The following TNFAIP8 variants were observed in gnomAD, a reference collection of about 807,000 sequenced individuals.
The protein encoded by TNFAIP8 is tumor necrosis factor alpha-induced protein 8.
Under a neutral mutation model 13.3 loss-of-function variants are expected in TNFAIP8, and 7 were observed. The observed-to-expected ratio is 0.52, with a 90% CI of 0.30 to 0.99. The LOEUF is 0.99. TNFAIP8 is among the 50% of genes least tolerant of loss of function. The pLI is 0.07. For synonymous variants in TNFAIP8, 94 were observed against 87.6 expected (o/e 1.07, Z -0.41); for missense variants, 258 against 236.9 (o/e 1.09, Z -0.58).
intron 1 of TNFAIP8, among the ~76,000 whole-genome samples, chr5:119,370,902 T>C (rs1008390650): frequency 2.0e-5 from 3 of 152,234 alleles, no homozygotes; most frequent in South Asian, 2.1e-4. Flanking sequence ...ATCTTTTCCT[T>C]TGGGAACCTG....
intron 1 of TNFAIP8, among the ~76,000 whole-genome samples, chr5:119,289,350 C>T (rs762690279): frequency 8.5e-5 from 13 of 152,134 alleles, no homozygotes; most frequent in Non-Finnish European, 1.9e-4. Context: ...GGCATTCGGT[C>T]TTACTAGTCA....
At chr5:119,305,400 C>T (rs1749519474) in intron 1 of TNFAIP8, among the ~76,000 whole-genome samples, 1 of 152,112 alleles carries the variant, frequency 6.6e-6, no homozygotes. Flanking sequence ...TATGTAGATG[C>T]ATTTTATTTG....
At chr5:119,339,753 C>T (rs1200554626) in intron 1 of TNFAIP8, among the ~76,000 whole-genome samples, 1 of 152,172 alleles carries the variant, frequency 6.6e-6, no homozygotes, top group Non-Finnish European at 1.5e-5. Context: ...ATGGTAATTA[C>T]ATGCTCCGAT....
intron 1 of TNFAIP8, among the ~76,000 whole-genome samples, chr5:119,372,867 AG>A (rs1752138356): frequency 6.6e-6 from 1 of 152,202 alleles, no homozygotes; most frequent in Admixed American, 6.5e-5. Flanking sequence ...AGGCTGAGGC[AG>A]GGGAATCGCT....
intron 1 of TNFAIP8, among the ~76,000 whole-genome samples, chr5:119,317,758 T>C: frequency 6.6e-6 from 1 of 152,060 alleles, no homozygotes; most frequent in Admixed American, 6.5e-5. Flanking sequence ...GCCACCATGC[T>C]GGCTAATTTT....
chr5:119,392,994 G>T lies in TNFAIP8; in HGVS notation c.210G>T (p.Lys70Asn). 1.2e-6 allele frequency: 2 copies of T among 1,612,856 alleles called. No homozygotes were observed. Among genetic ancestry groups the T allele is most frequent in the South Asian group, 1.1e-5 (1 of 90,872 alleles). ...EYTQNKKEAE[K>N]IIKNLIKTVI... ...CCCAAAACAAGAAGGAGGCAGAGAA[G>T]ATCATCAAGAACCTCATCAAGACAG... The change falls in exon 2 of 2, where the codon AAG becomes AAT. Residue 70 changes from lysine (K) to asparagine (N), a missense_variant. Physicochemically the swap from Lys to Asn is moderately conservative, Grantham distance 94. Coordinates refer to ENST00000504771, the MANE Select transcript of TNFAIP8 (RefSeq NM_014350.4).
In TNFAIP8 at chr5:119,393,477, C is replaced by A; in HGVS notation, c.*96C>A. The stretch of plus-strand genomic sequence containing the variant: ...AAAGAAGAATTTTCTAAAGATTACA[C>A]ATATTTCAGAAAGACTTTACCCAAT... On this transcript the variant is annotated 3_prime_UTR_variant, in exon 2 of 2. Transcript: ENST00000504771. 8.7e-7 allele frequency: 1 copy of A among 1,155,618 alleles called. No homozygotes were observed. The highest frequency in any genetic ancestry group is 1.2e-6 in the Non-Finnish European group (1 of 820,784). The allele number at this position is 1,155,618 out of a possible 1,614,324, so 71.6% of individuals were successfully genotyped here. A position where few individuals can be genotyped will look rare whatever the true frequency, so the allele number is the denominator to read the frequency against.
At chr5:119,336,938 CT>C (rs951411304) in intron 1 of TNFAIP8, among the ~76,000 whole-genome samples, 2 of 152,154 alleles carry the variant, frequency 1.3e-5, no homozygotes. Context: ...AAGCTCAAGC[CT>C]TTTTTTCCCC....
At chr5:119,348,753 G>A (rs1751002713) in intron 1 of TNFAIP8, among the ~76,000 whole-genome samples, 1 of 151,958 alleles carries the variant, frequency 6.6e-6, no homozygotes, top group Non-Finnish European at 1.5e-5. Context: ...GGTGGCACAT[G>A]CCTGTAATCT....
intron 1 of TNFAIP8, among the ~76,000 whole-genome samples, chr5:119,390,402 C>T (rs1472351705): frequency 6.6e-6 from 1 of 152,024 alleles, no homozygotes; most frequent in Non-Finnish European, 1.5e-5. Flanking sequence ...GATGCCATTT[C>T]TTTTGACATA....
At chr5:119,388,477 A>G (rs1194517203) in intron 1 of TNFAIP8, among the ~76,000 whole-genome samples, 2 of 152,236 alleles carry the variant, frequency 1.3e-5, no homozygotes, top group Admixed American at 6.5e-5. Flanking sequence ...TAGGCCTGCA[A>G]GTTGACACAG....
At chr5:119,329,619 T>C (rs1750316436) in intron 1 of TNFAIP8, among the ~76,000 whole-genome samples, 1 of 152,210 alleles carries the variant, frequency 6.6e-6, no homozygotes, top group Non-Finnish European at 1.5e-5. Context: ...AGATGTAGGC[T>C]CATATCCCAG....
intron 1 of TNFAIP8, among the ~76,000 whole-genome samples, chr5:119,297,040 G>A (rs1478174003): frequency 6.6e-6 from 1 of 152,034 alleles, no homozygotes; most frequent in Non-Finnish European, 1.5e-5. Flanking sequence ...AGTCTTGCTA[G>A]CAGTCTATCA....
Position 119,392,809 on chromosome 5 carries a change from T to C in TNFAIP8, c.32-7T>C, listed in dbSNP as rs1363710335. ...TTAATTCTTTTCCTCTCTTTTTTTTTTTTTAGTGGCCACAGATGTCTTTAA... is the reference window on the plus strand; with the variant it reads ...TTAATTCTTTTCCTCTCTTTTTTTTCTTTTAGTGGCCACAGATGTCTTTAA... On this transcript the variant is annotated splice_region_variant and splice_polypyrimidine_tract_variant and intron_variant, in intron 1 of 1. Coordinates refer to ENST00000504771, the MANE Select transcript of TNFAIP8 (RefSeq NM_014350.4). 2.0e-6 allele frequency: 3 copies of C among 1,505,172 alleles called. No individual in the cohort carries two copies. The highest frequency in any genetic ancestry group is 2.5e-5 in the East Asian group (1 of 40,532). 93.2% of individuals were successfully genotyped at this position (1,505,172 alleles called of 1,614,324 possible). A position where few individuals can be genotyped will look rare whatever the true frequency, so the allele number is the denominator to read the frequency against.
intron 1 of TNFAIP8, among the ~76,000 whole-genome samples, chr5:119,329,346 T>C (rs1562003085): frequency 6.6e-6 from 1 of 152,204 alleles, no homozygotes. Flanking sequence ...CACACTTACC[T>C]TTTGTGCAAC....
intron 1 of TNFAIP8, among the ~76,000 whole-genome samples, chr5:119,288,775 A>G (rs1041712531): frequency 3.9e-5 from 6 of 152,260 alleles, no homozygotes; most frequent in African/African-American, 1.4e-4. Context: ...TGTGTTTAAC[A>G]TATGGAAAGA....
chr5:119,295,447 C>T (rs1424362142), intron 1 of TNFAIP8, among the ~76,000 whole-genome samples: 9 of 151,538 alleles, frequency 5.9e-5, no homozygotes, highest in South Asian at 2.1e-4. Context: ...TGTAGATATG[C>T]GGCGTTATTT....
rs149350588 is a variant in TNFAIP8, at chr5:119,364,104, C to G, written c.31+7983C>G. On this transcript the variant is annotated intron_variant, in intron 1 of 1. Transcript: ENST00000504771. The stretch of plus-strand genomic sequence containing the variant: ...AAGTCATTGGCCATTGGTGATTAAA[C>G]TCAGTCTCCAGCCCGTCTCCCCTGC... Among the ~76,000 whole-genome samples the G allele has an allele frequency of 5.6e-3, 856 of 152,318 alleles. 2 individuals are homozygous for G. The highest frequency in any genetic ancestry group is 9.0e-3 in the Non-Finnish European group (609 of 68,034).
At chr5:119,287,345 A>AC (rs1748833000) in intron 1 of TNFAIP8, among the ~76,000 whole-genome samples, 1 of 148,724 alleles carries the variant, frequency 6.7e-6, no homozygotes, top group Non-Finnish European at 1.5e-5. Context: ...ACACATAAAA[A>AC]TTGTATATAT....
Sources: allele counts gnomAD v4.1 joint callset (sites outside exome capture counted in the v4.1 genomes callset), GRCh38; gene constraint gnomAD v4.1.1; transcripts MANE v1.5; gene names NCBI Gene and HGNC (gene_info 2026-07-23, HGNC 2026-07-21).